Variants in GRHL2 observed in about 807,000 individuals in gnomAD.
GRHL2 encodes the protein grainyhead-like protein 2 homolog.
Under a neutral mutation model 83.8 loss-of-function variants are expected in GRHL2, and 21 were observed. That is an observed-to-expected ratio of 0.25 (90% CI 0.18 to 0.36). The LOEUF is 0.36. Among genes scored for constraint, GRHL2 ranks in the 10% least tolerant of loss-of-function variants. The pLI is 1.00. For synonymous variants in GRHL2, 280 were observed against 278.9 expected, an observed-to-expected ratio of 1.00 and a Z score of -0.04; for missense variants, 623 against 781.8, an observed-to-expected ratio of 0.80 and a Z score of 2.42.
At chr8:101,523,937 C>T (rs954300986) in intron 1 of GRHL2, among the ~76,000 whole-genome samples, 3 of 152,146 alleles carry the variant, frequency 2.0e-5, no homozygotes, top group Non-Finnish European at 2.9e-5. Context: ...TGGTTTAACG[C>T]AGTTGCTACC....
intron 7 of GRHL2, among the ~76,000 whole-genome samples, chr8:101,598,824 T>C (rs914326962): frequency 6.6e-6 from 1 of 152,174 alleles, no homozygotes; most frequent in Non-Finnish European, 1.5e-5. Context: ...ACAAATTAGC[T>C]AAGAACATTG....
intron 14 of GRHL2, among the ~76,000 whole-genome samples, chr8:101,652,047 A>G (rs914539866): frequency 6.6e-6 from 1 of 152,110 alleles, no homozygotes. Context: ...ATGCTGTGAA[A>G]TGAAGCGGTA....
At chr8:101,674,840 C>T in the GRHL2 span, among the ~76,000 whole-genome samples, 3 of 152,056 alleles carry the variant, frequency 2.0e-5, no homozygotes, top group African/African-American at 7.2e-5. Flanking sequence ...TCCAGCAGCA[C>T]ATCAAAAAGC....
chr8:101,540,317 G>T (rs1483395487), intron 1 of GRHL2, among the ~76,000 whole-genome samples: 2 of 152,174 alleles, frequency 1.3e-5, no homozygotes, highest in African/African-American at 4.8e-5. Flanking sequence ...TCTCACCACT[G>T]TAAATGGTGA....
chr8:101,676,100 A>G, the GRHL2 span, among the ~76,000 whole-genome samples: 1 of 151,508 alleles, frequency 6.6e-6, no homozygotes, highest in Non-Finnish European at 1.5e-5. Flanking sequence ...CTAAAACCAT[A>G]AAAACCCTAG....
downstream of GRHL2, among the ~76,000 whole-genome samples, chr8:101,673,975 T>C (rs1053869777): frequency 2.6e-5 from 4 of 151,838 alleles, no homozygotes; most frequent in Non-Finnish European, 4.4e-5. Context: ...CATAACGAAA[T>C]GTAGGCAGAA....
At chr8:101,516,325 A>G (rs537377952) in intron 1 of GRHL2, among the ~76,000 whole-genome samples, 1 of 152,108 alleles carries the variant, frequency 6.6e-6, no homozygotes, top group South Asian at 2.1e-4. Context: ...ACTTAAAACA[A>G]TCTGTAAAAA....
At chr8:101,552,025 C>T (rs1367414395) in intron 2 of GRHL2, among the ~76,000 whole-genome samples, 3 of 151,994 alleles carry the variant, frequency 2.0e-5, no homozygotes, top group Admixed American at 1.3e-4. Flanking sequence ...TTAGTAGAGA[C>T]GGGGTTTCAC....
intron 7 of GRHL2, among the ~76,000 whole-genome samples, chr8:101,584,641 G>A (rs1274999902): frequency 1.3e-5 from 2 of 152,292 alleles, no homozygotes; most frequent in East Asian, 3.9e-4. Context: ...AGCTGGCTTT[G>A]GATGAGCCCT....
rs529296723 is a variant in GRHL2 at position 101,562,299 on chromosome 8, G to A, written c.678+3487G>A. 290 of 613,718 alleles carry A rather than the reference G, an allele frequency of 4.7e-4. 1 individual carries two copies. Among genetic ancestry groups the A allele is most frequent in the East Asian group, 1.2e-3 (38 of 31,714 alleles). The allele number at this position is 613,718 out of a possible 1,614,324, so 38.0% of individuals were successfully genotyped here. On this transcript the variant is annotated intron_variant, in intron 4 of 15. Transcript: ENST00000646743. ...TTCAAATTCAAATGAATTATACGCC[G>A]TAAGCCCTTTACCAGCTGCTTTCAG...
At chr8:101,671,285 A>G (rs1357141374), downstream of GRHL2, among the ~76,000 whole-genome samples, 1 of 152,188 alleles carries the variant, frequency 6.6e-6, no homozygotes, top group Non-Finnish European at 1.5e-5. Context: ...GAAAGGGGTG[A>G]CAGACGGCAC....
At chr8:101,537,053 G>A (rs1166861996) in intron 1 of GRHL2, among the ~76,000 whole-genome samples, 2 of 151,912 alleles carry the variant, frequency 1.3e-5, no homozygotes, top group Admixed American at 1.3e-4. Flanking sequence ...TCCTGTGTTA[G>A]TTTAAGGATA....
intron 15 of GRHL2, among the ~76,000 whole-genome samples, chr8:101,665,517 C>A (rs1036391803): frequency 6.6e-6 from 1 of 152,154 alleles, no homozygotes; most frequent in Non-Finnish European, 1.5e-5. Flanking sequence ...CTAAAATGCA[C>A]GTTATACTTC....
At chr8:101,677,589 T>G in the GRHL2 span, among the ~76,000 whole-genome samples, 2 of 152,070 alleles carry the variant, frequency 1.3e-5, no homozygotes, top group Non-Finnish European at 2.9e-5. Flanking sequence ...GATTATGTAT[T>G]GGTAGCAGAG....
At chr8:101,602,039 A>G (rs1812526494) in intron 8 of GRHL2, among the ~76,000 whole-genome samples, 1 of 151,890 alleles carries the variant, frequency 6.6e-6, no homozygotes, top group Non-Finnish European at 1.5e-5. Flanking sequence ...ATGTGTTCTC[A>G]TTGTTCAGCT....
At chr8:101,502,137 C>T (rs927138537) in intron 1 of GRHL2, among the ~76,000 whole-genome samples, 1 of 152,172 alleles carries the variant, frequency 6.6e-6, no homozygotes, top group Non-Finnish European at 1.5e-5. Flanking sequence ...TAGCTTTTGC[C>T]TCTTTCCTGC....
At chr8:101,526,115 A>C (rs1423169969) in intron 1 of GRHL2, among the ~76,000 whole-genome samples, 1 of 152,212 alleles carries the variant, frequency 6.6e-6, no homozygotes, top group Non-Finnish European at 1.5e-5. Flanking sequence ...AATCTATTAC[A>C]AAATGTTATT....
chr8:101,639,492 G>T (rs1033108813), intron 12 of GRHL2, among the ~76,000 whole-genome samples: 2 of 152,228 alleles, frequency 1.3e-5, no homozygotes, highest in African/African-American at 4.8e-5. Context: ...CTTGTTCAAA[G>T]ACACACAGCT....
intron 13 of GRHL2, among the ~76,000 whole-genome samples, chr8:101,648,267 G>A (rs552084230): frequency 6.6e-6 from 1 of 152,292 alleles, no homozygotes; most frequent in Admixed American, 6.5e-5. Flanking sequence ...TGGGACCCTG[G>A]GGGAGTGTCT....
Sources: allele counts gnomAD v4.1 joint callset (sites outside exome capture counted in the v4.1 genomes callset), GRCh38; gene constraint gnomAD v4.1.1; transcripts MANE v1.5; gene names NCBI Gene and HGNC (gene_info 2026-07-23, HGNC 2026-07-21).